The following SPAG9 variants were observed in gnomAD, a reference collection of about 807,000 sequenced individuals.
SPAG9 encodes the protein C-Jun-amino-terminal kinase-interacting protein 4.
SPAG9 carries 35 observed loss-of-function variants against 166.5 expected under a neutral mutation model. That is an observed-to-expected ratio of 0.21 (90% CI 0.16 to 0.28). SPAG9 has a LOEUF of 0.28. Among genes scored for constraint, SPAG9 ranks in the 10% least tolerant of loss-of-function variants. The pLI is 1.00. For synonymous variants in SPAG9, 534 were observed against 565.5 expected (o/e 0.94, Z 0.79); for missense variants, 1,235 against 1,603.3 (o/e 0.77, Z 3.92).
At chr17:51,082,223 A>G (rs989591137) in intron 1 of SPAG9, among the ~76,000 whole-genome samples, 1 of 151,226 alleles carries the variant, frequency 6.6e-6, no homozygotes, top group East Asian at 1.9e-4. Context: ...CTAAATACAA[A>G]AATTAGCCAG....
intron 1 of SPAG9, among the ~76,000 whole-genome samples, chr17:51,119,033 CAAAA>C (rs3079111): frequency 3.1e-5 from 3 of 96,256 alleles, no homozygotes; most frequent in Non-Finnish European, 4.1e-5. Flanking sequence ...GACTACGTCT[CAAAA>C]AAAAAAAAAA....
intron 18 of SPAG9, 96 bp from the exon 19 acceptor site, chr17:50,994,031 A>G (rs1341893043): frequency 2.7e-6 from 3 of 1,127,934 alleles, no homozygotes; most frequent in Non-Finnish European, 3.8e-6. Flanking sequence ...ACTATTTCAA[A>G]TTTATTTCCA....
At position 50,974,804 on chromosome 17, in the gene SPAG9, G is replaced by T; in HGVS notation, c.3667C>A (p.Arg1223=). 3 of 1,604,240 alleles carry T rather than the reference G, an allele frequency of 1.9e-6. No individual in the cohort carries two copies. The highest frequency in any genetic ancestry group is 2.5e-6 in the Non-Finnish European group (3 of 1,177,638). The change falls in exon 28 of 30, where the codon CGG becomes AGG. Residue 1223 remains arginine (R), a synonymous_variant. Transcript: ENST00000262013. The part of the protein sequence containing the change: ...AHAQLCFHGH[R]DAVKFFVAVP... ...GCCACAAAGAATTTCACAGCATCCC[G>T]GTGCCCATGGAAGCAAAGCTGTGCA...
At chr17:51,119,651 C>A (rs1156553450) in intron 1 of SPAG9, among the ~76,000 whole-genome samples, 1 of 152,136 alleles carries the variant, frequency 6.6e-6, no homozygotes, top group African/African-American at 2.4e-5. Flanking sequence ...CCCCGCCCCC[C>A]AATCCTTTTT....
rs1018984128 is a variant in SPAG9, at chr17:50,992,225, C to CT, written c.2398+1538dup. On this transcript the variant is annotated intron_variant, in intron 19 of 29. Transcript: ENST00000262013. The stretch of plus-strand genomic sequence containing the variant: ...TTTTCCATCACCTCACACAGAAACT[C>CT]TATGTTTTTATGAATGTGCCTATTC... Among the ~76,000 whole-genome samples the CT allele has an allele frequency of 6.6e-5, 10 of 151,958 alleles. No homozygotes were observed. The South Asian group carries it at 1.2e-3, about 19-fold the overall frequency.
At chr17:51,029,227 A>G (rs191774438) in intron 6 of SPAG9, among the ~76,000 whole-genome samples, 74 of 152,330 alleles carry the variant, frequency 4.9e-4, no homozygotes, top group Non-Finnish European at 2.1e-4. Flanking sequence ...ATATAAAATG[A>G]TGATCAACAC....
intron 26 of SPAG9, among the ~76,000 whole-genome samples, 176 bp from the exon 27 acceptor site, chr17:50,977,397 G>A (rs1974281099): frequency 6.6e-6 from 1 of 152,126 alleles, no homozygotes; most frequent in Non-Finnish European, 1.5e-5. Context: ...GTTTCCTGAA[G>A]GTTCACATCA....
At chr17:51,098,741 C>A (rs1286574204) in intron 1 of SPAG9, among the ~76,000 whole-genome samples, 1 of 151,920 alleles carries the variant, frequency 6.6e-6, no homozygotes, top group Admixed American at 6.6e-5. Context: ...ATCCGCCCCC[C>A]TCGGCCTCCC....
intron 25 of SPAG9, among the ~76,000 whole-genome samples, chr17:50,980,963 C>T (rs1018236336): frequency 6.6e-6 from 1 of 152,140 alleles, no homozygotes; most frequent in African/African-American, 2.4e-5. Flanking sequence ...GATTGCGCCC[C>T]TGCACTCTAT....
intron 19 of SPAG9, among the ~76,000 whole-genome samples, chr17:50,993,308 T>C (rs1975771515): frequency 8.7e-6 from 1 of 115,490 alleles, no homozygotes; most frequent in South Asian, 2.9e-4. Flanking sequence ...AGAGTAAGAC[T>C]CTGTCTCAAA....
chr17:51,046,997 A>C, intron 4 of SPAG9: 1 of 1,273,952 alleles, frequency 7.8e-7, no homozygotes. Flanking sequence ...CCTACACCAA[A>C]CAGATGGCTA....
chr17:51,079,552 A>G, intron 2 of SPAG9, 32 bp downstream of exon 2: 1 of 1,606,912 alleles, frequency 6.2e-7, no homozygotes, highest in Non-Finnish European at 8.5e-7. Context: ...CCCAATCTTT[A>G]GTGTACTTAT....
At chr17:51,069,202 T>A (rs1342087886) in intron 2 of SPAG9, among the ~76,000 whole-genome samples, 1 of 151,960 alleles carries the variant, frequency 6.6e-6, no homozygotes, top group African/African-American at 2.4e-5. Context: ...CAAAAACACA[T>A]ATCATCATTA....
chr17:50,993,315 CAAAAAAAAAA>C (rs71149333), intron 19 of SPAG9, among the ~76,000 whole-genome samples: 1 of 79,858 alleles, frequency 1.3e-5, no homozygotes. Flanking sequence ...GACTCTGTCT[CAAAAAAAAAA>C]AAAAAAAAAA....
At chr17:51,056,876 A>G (rs1050809107) in intron 2 of SPAG9, among the ~76,000 whole-genome samples, 3 of 152,188 alleles carry the variant, frequency 2.0e-5, no homozygotes, top group East Asian at 3.9e-4. Context: ...TTGATTGTTT[A>G]TAAGTACTTT....
intron 1 of SPAG9, among the ~76,000 whole-genome samples, chr17:51,112,240 A>G (rs1225512694): frequency 1.3e-5 from 2 of 151,774 alleles, no homozygotes; most frequent in African/African-American, 2.4e-5. Flanking sequence ...CATTATTCGA[A>G]TCGTTAACCA....
intron 3 of SPAG9, among the ~76,000 whole-genome samples, chr17:51,055,184 C>T (rs1281654852): frequency 3.3e-5 from 5 of 152,040 alleles, no homozygotes; most frequent in Non-Finnish European, 2.9e-5. Context: ...CTTGTCTCTA[C>T]TATATTAAAA....
At chr17:50,975,689 T>G (rs1223245638) in intron 27 of SPAG9, among the ~76,000 whole-genome samples, 1 of 151,930 alleles carries the variant, frequency 6.6e-6, no homozygotes, top group African/African-American at 2.4e-5. Flanking sequence ...GCTGAGCAGT[T>G]TGGTGGCCAT....
At chr17:51,088,343 TA>T (rs1373638372) in intron 1 of SPAG9, among the ~76,000 whole-genome samples, 1 of 152,142 alleles carries the variant, frequency 6.6e-6, no homozygotes, top group Non-Finnish European at 1.5e-5. Flanking sequence ...TTAGATAAAA[TA>T]ACATGTTAAA....
Sources: allele counts gnomAD v4.1 joint callset (sites outside exome capture counted in the v4.1 genomes callset), GRCh38; gene constraint gnomAD v4.1.1; transcripts MANE v1.5; gene names NCBI Gene and HGNC (gene_info 2026-07-23, HGNC 2026-07-21).